The following C8orf34 variants were observed in gnomAD, a reference collection of about 807,000 sequenced individuals.
The protein encoded by C8orf34 is chromosome 8 open reading frame 34.
Under a neutral mutation model 68.3 loss-of-function variants are expected in C8orf34, and 65 were observed. The observed-to-expected ratio is 0.95, with a 90% confidence interval of 0.78 to 1.17. The LOEUF (loss-of-function observed/expected upper bound fraction) is 1.17, where lower values mean the gene tolerates loss of function less well. Among genes scored for constraint, C8orf34 ranks in the 50% most tolerant of loss-of-function variants. The probability of loss-of-function intolerance (pLI) is 0.00; values close to 1 mark genes in which losing one functional copy is unlikely to be tolerated. For missense variants in C8orf34, 664 were observed against 655.4 expected (o/e 1.01, Z -0.14); for synonymous variants, 244 against 241.2 (o/e 1.01, Z -0.11).
chr8:68,804,987 C>A (rs1824441573), intron 12 of C8orf34, among the ~76,000 whole-genome samples: 1 of 152,118 alleles, frequency 6.6e-6, no homozygotes, highest in Non-Finnish European at 1.5e-5. Context: ...AAACGTCAGT[C>A]CCCTGAAGCA....
intron 10 of C8orf34, among the ~76,000 whole-genome samples, chr8:68,726,151 C>T (rs1051103639): frequency 3.9e-5 from 6 of 152,102 alleles, no homozygotes; most frequent in African/African-American, 7.2e-5. Context: ...TCAAGTGATC[C>T]GCCCGCCTCG....
intron 7 of C8orf34, among the ~76,000 whole-genome samples, chr8:68,582,813 T>C (rs1458946828): frequency 6.6e-6 from 1 of 152,002 alleles, no homozygotes; most frequent in Non-Finnish European, 1.5e-5. Flanking sequence ...CATACATCCA[T>C]AGGAGACACC....
At chr8:68,630,405 C>T (rs919546916) in intron 7 of C8orf34, among the ~76,000 whole-genome samples, 5 of 152,000 alleles carry the variant, frequency 3.3e-5, no homozygotes, top group Non-Finnish European at 1.5e-5. Context: ...TGCAGCATAA[C>T]TCAGTTCAGA....
intron 10 of C8orf34, among the ~76,000 whole-genome samples, chr8:68,736,821 A>G (rs907857783): frequency 2.6e-5 from 4 of 152,104 alleles, no homozygotes; most frequent in Admixed American, 2.0e-4. Context: ...CAAACGTCAC[A>G]TTATAGTTCT....
chr8:68,761,714 GA>G (rs751282850), intron 10 of C8orf34, among the ~76,000 whole-genome samples: 4 of 152,118 alleles, frequency 2.6e-5, no homozygotes, highest in Non-Finnish European at 4.4e-5. Context: ...TAACAGCCTG[GA>G]GAAGTCTGCT....
intron 2 of C8orf34, among the ~76,000 whole-genome samples, chr8:68,441,810 T>C: frequency 6.6e-6 from 1 of 152,204 alleles, no homozygotes; most frequent in South Asian, 2.1e-4. Flanking sequence ...AAAAGTCCTG[T>C]CTGCATTTGA....
At chr8:68,516,401 T>C (rs982706505) in intron 5 of C8orf34, among the ~76,000 whole-genome samples, 2 of 152,178 alleles carry the variant, frequency 1.3e-5, no homozygotes, top group African/African-American at 4.8e-5. Flanking sequence ...CCAGTTTTAT[T>C]AACAAGAGGA....
At chr8:68,349,968 G>A in intron 1 of C8orf34, among the ~76,000 whole-genome samples, 1 of 151,542 alleles carries the variant, frequency 6.6e-6, no homozygotes. Flanking sequence ...TTTTCCTTCA[G>A]TTCAGCTCTG....
intron 13 of C8orf34, 126 bp from the exon 14 acceptor site, chr8:68,818,113 T>A: frequency 1.2e-6 from 1 of 846,618 alleles, no homozygotes; most frequent in Non-Finnish European, 1.9e-6. Context: ...TATTCTAATG[T>A]CAATATCCTT....
chr8:68,704,819 T>G (rs951808887), intron 8 of C8orf34, among the ~76,000 whole-genome samples: 2 of 150,464 alleles, frequency 1.3e-5, no homozygotes, highest in Admixed American at 1.3e-4. Context: ...TACTTATGTC[T>G]TAACATGAGT....
intron 3 of C8orf34, chr8:68,447,592 A>C (rs1392091602): frequency 6.6e-6 from 1 of 152,226 alleles, no homozygotes; most frequent in Non-Finnish European, 1.5e-5. Flanking sequence ...TAGTTTCAAC[A>C]GAGAAAGGAG....
chr8:68,790,394 A>G (rs1823960123), intron 12 of C8orf34, among the ~76,000 whole-genome samples: 1 of 152,224 alleles, frequency 6.6e-6, no homozygotes, highest in Non-Finnish European at 1.5e-5. Context: ...CTTTCTATAA[A>G]TTATGCCTAG....
At chr8:68,360,802 G>T (rs1806959294) in intron 1 of C8orf34, among the ~76,000 whole-genome samples, 1 of 147,518 alleles carries the variant, frequency 6.8e-6, no homozygotes, top group Non-Finnish European at 1.5e-5. Flanking sequence ...ACCCAGTCTG[G>T]AGTGCAGTGG....
intron 8 of C8orf34, among the ~76,000 whole-genome samples, chr8:68,687,375 A>G (rs1183088833): frequency 1.3e-5 from 2 of 152,154 alleles, no homozygotes; most frequent in East Asian, 3.9e-4. Flanking sequence ...CTACAAGGCT[A>G]TAGCTCCCAA....
intron 2 of C8orf34, among the ~76,000 whole-genome samples, chr8:68,441,893 A>T (rs962267606): frequency 2.0e-5 from 3 of 152,200 alleles, no homozygotes; most frequent in African/African-American, 4.8e-5. Flanking sequence ...TTATTCTATC[A>T]GTTCTCTTAG....
intron 1 of C8orf34, among the ~76,000 whole-genome samples, chr8:68,367,912 G>GAAAATAAAAAAAAAAAAAAA (rs1807364481): frequency 1.3e-5 from 1 of 79,116 alleles, no homozygotes; most frequent in Non-Finnish European, 2.3e-5. Flanking sequence ...AAAAAGAAAA[G>GAAAATAAAAAAAAAAAAAAA]AAAAAAAAAA....
intron 11 of C8orf34, among the ~76,000 whole-genome samples, chr8:68,780,575 T>A (rs190647321): frequency 6.6e-6 from 1 of 152,346 alleles, no homozygotes; most frequent in Admixed American, 6.5e-5. Context: ...GCTCTTAATC[T>A]TAAGTAACTT....
intron 11 of C8orf34, among the ~76,000 whole-genome samples, chr8:68,785,444 T>C (rs960479490): frequency 6.6e-6 from 1 of 152,108 alleles, no homozygotes; most frequent in Admixed American, 6.5e-5. Context: ...AGTACATATA[T>C]AGTGGTTTCA....
intron 3 of C8orf34, among the ~76,000 whole-genome samples, chr8:68,465,186 A>G (rs1421462030): frequency 2.0e-5 from 3 of 152,190 alleles, no homozygotes; most frequent in Non-Finnish European, 4.4e-5. Flanking sequence ...TGCAGCCAAA[A>G]AACACATGAA....
Sources: allele counts gnomAD v4.1 joint callset (sites outside exome capture counted in the v4.1 genomes callset), GRCh38; gene constraint gnomAD v4.1.1; transcripts MANE v1.5; gene names NCBI Gene and HGNC (gene_info 2026-07-23, HGNC 2026-07-21).